TBCA: variants seen among roughly 807,000 people sequenced by gnomAD.
TBCA encodes the protein tubulin-specific chaperone A.
Under a neutral mutation model 15.8 loss-of-function variants are expected in TBCA, and 6 were observed. The ratio of observed to expected loss-of-function variants is 0.38; its 90% confidence interval spans 0.21 to 0.75. The LOEUF (loss-of-function observed/expected upper bound fraction) is 0.75. TBCA is among the 30% of genes least tolerant of loss of function. The probability of loss-of-function intolerance (pLI) is 0.46; values close to 1 mark genes in which losing one functional copy is unlikely to be tolerated. For missense variants in TBCA, 90 were observed against 131.2 expected (o/e 0.69, Z 1.53); for synonymous variants, 32 against 42.3 (o/e 0.76, Z 0.94).
chr5:77,705,482 A>G (rs1938602953), intron 2 of TBCA: 1 of 397,490 alleles, frequency 2.5e-6, no homozygotes, highest in African/African-American at 2.1e-5. Context: ...AATTTTAAGA[A>G]TAAAAAGTTA....
In TBCA at chr5:77,745,071, C is replaced by T. The variant is rs1253177966; in HGVS notation, c.53+31134G>A. On this transcript the variant is annotated intron_variant, in intron 1 of 3. Transcript: ENST00000380377. ...AAAGTTAAATGACATACACATGAAG[C>T]GCTTAGCTAATGTAGATAACGGCAC... Among the ~76,000 whole-genome samples, 7 of 152,090 alleles carry T rather than the reference C, an allele frequency of 4.6e-5. No individual in the cohort carries two copies. The South Asian group carries it at 6.2e-4, about 14-fold the overall frequency.
chr5:77,729,748 A>T (rs1746720013), intron 1 of TBCA, among the ~76,000 whole-genome samples: 2 of 152,336 alleles, frequency 1.3e-5, no homozygotes, highest in Admixed American at 6.5e-5. Flanking sequence ...GCAAACATTT[A>T]CGCTGTGATT....
Position 77,763,771 on chromosome 5 carries a change from C to A in TBCA, c.53+12434G>T, listed in dbSNP as rs1580137082. Among the ~76,000 whole-genome samples the A allele has an allele frequency of 2.6e-5, 4 of 152,146 alleles. No individual in the cohort carries two copies. The East Asian group carries it at 7.7e-4, about 29-fold the overall frequency. The stretch of plus-strand genomic sequence containing the variant: ...CCTCCAGAACTTTGAGAAATAAATT[C>A]TATCATTTATAAGCCACCCAGTCTA... On this transcript the variant is annotated intron_variant, in intron 1 of 3. Coordinates refer to ENST00000380377, the MANE Select transcript of TBCA (RefSeq NM_004607.3).
chr5:77,751,302 T>C (rs1174572413), intron 1 of TBCA, among the ~76,000 whole-genome samples: 4 of 151,580 alleles, frequency 2.6e-5, no homozygotes, highest in African/African-American at 4.8e-5. Flanking sequence ...GCTGGGATTA[T>C]AGGCGCCCAC....
intron 2 of TBCA, among the ~76,000 whole-genome samples, chr5:77,707,360 T>A (rs150144188): frequency 6.6e-6 from 1 of 152,194 alleles, no homozygotes; most frequent in East Asian, 1.9e-4. Flanking sequence ...GAAAGTGTTA[T>A]GGGAGCAAAA....
intron 2 of TBCA, among the ~76,000 whole-genome samples, chr5:77,698,682 A>T (rs11954418): frequency 0.019 from 2,855 of 152,288 alleles, 85 homozygotes; most frequent in African/African-American, 0.066. Flanking sequence ...GATTTTATGA[A>T]ATCTGTATTA....
intron 1 of TBCA, among the ~76,000 whole-genome samples, chr5:77,734,322 G>A (rs943585880): frequency 2.0e-5 from 3 of 152,192 alleles, no homozygotes; most frequent in African/African-American, 7.2e-5. Context: ...TCCTCTGATG[G>A]ATCTGGGTAA....
At chr5:77,719,413 T>C (rs1350442426) in intron 1 of TBCA, among the ~76,000 whole-genome samples, 1 of 152,144 alleles carries the variant, frequency 6.6e-6, no homozygotes, top group Non-Finnish European at 1.5e-5. Flanking sequence ...ACCCACCACC[T>C]ACACACCCTG....
At chr5:77,770,586 AAAAC>A (rs1747881980) in intron 1 of TBCA, among the ~76,000 whole-genome samples, 1 of 152,168 alleles carries the variant, frequency 6.6e-6, no homozygotes. Context: ...CTCCAAAAAA[AAAAC>A]AGAGTGTTCA....
intron 2 of TBCA, among the ~76,000 whole-genome samples, chr5:77,700,444 A>C (rs1745986632): frequency 6.6e-6 from 1 of 152,238 alleles, no homozygotes; most frequent in Admixed American, 6.5e-5. Flanking sequence ...GCAAATAAGC[A>C]CATGAAAAAA....
intron 1 of TBCA, among the ~76,000 whole-genome samples, chr5:77,765,568 C>T (rs1302602434): frequency 6.6e-6 from 1 of 152,154 alleles, no homozygotes; most frequent in Non-Finnish European, 1.5e-5. Flanking sequence ...TTTTCTGAAT[C>T]TCCTACCCCC....
chr5:77,769,916 A>G (rs937442373), intron 1 of TBCA, among the ~76,000 whole-genome samples: 4 of 152,230 alleles, frequency 2.6e-5, no homozygotes, highest in African/African-American at 9.6e-5. Flanking sequence ...ATGCCCTAAC[A>G]TTCTTTGTTC....
At chr5:77,709,970 T>C (rs1368816076) in intron 1 of TBCA, among the ~76,000 whole-genome samples, 1 of 152,126 alleles carries the variant, frequency 6.6e-6, no homozygotes, top group East Asian at 1.9e-4. Flanking sequence ...TATAGAAACG[T>C]AAAGTAGATT....
intron 2 of TBCA, among the ~76,000 whole-genome samples, chr5:77,699,076 A>G (rs1290766937): frequency 6.6e-6 from 1 of 151,034 alleles, no homozygotes; most frequent in Non-Finnish European, 1.5e-5. Flanking sequence ...TTAGCTATAC[A>G]TTTATAATGT....
chr5:77,698,899 C>CTAA (rs1313099116), intron 2 of TBCA, among the ~76,000 whole-genome samples: 1 of 151,732 alleles, frequency 6.6e-6, no homozygotes, highest in Non-Finnish European at 1.5e-5. Context: ...AATCCTAGAA[C>CTAA]TAATAAGTTC....
At chr5:77,721,305 C>G (rs1397104697) in intron 1 of TBCA, among the ~76,000 whole-genome samples, 1 of 152,066 alleles carries the variant, frequency 6.6e-6, no homozygotes, top group African/African-American at 2.4e-5. Context: ...GGATTATTAG[C>G]ATTATACAGA....
chr5:77,738,201 A>C (rs989177622), intron 1 of TBCA, among the ~76,000 whole-genome samples: 48 of 152,212 alleles, frequency 3.2e-4, no homozygotes, highest in African/African-American at 1.2e-3. Context: ...TAAAATTTTC[A>C]AGACACCTAA....
At chr5:77,720,229 G>A (rs1746497469) in intron 1 of TBCA, among the ~76,000 whole-genome samples, 1 of 152,104 alleles carries the variant, frequency 6.6e-6, no homozygotes, top group Non-Finnish European at 1.5e-5. Context: ...GGCTAAGTCT[G>A]AGAAAAACAG....
At chr5:77,708,521 T>C (rs1162390463) in intron 1 of TBCA, 174 bp from the exon 2 acceptor site, 2 of 480,268 alleles carry the variant, frequency 4.2e-6, no homozygotes, top group East Asian at 3.4e-5. Flanking sequence ...ATGATCCTCA[T>C]GCTCTTAAGT....
Sources: allele counts gnomAD v4.1 joint callset (sites outside exome capture counted in the v4.1 genomes callset), GRCh38; gene constraint gnomAD v4.1.1; transcripts MANE v1.5; gene names NCBI Gene and HGNC (gene_info 2026-07-23, HGNC 2026-07-21).